Variants in GPC3 observed in about 807,000 individuals in gnomAD.
GPC3 encodes glypican-3.
A neutral mutation model predicts 34.4 loss-of-function variants in GPC3; 3 were observed. That is an observed-to-expected ratio of 0.09 (90% CI 0.04 to 0.23). GPC3 has a LOEUF of 0.23. Ranked by LOEUF, GPC3 falls within the 10% of genes least tolerant of loss-of-function variation. The pLI is 1.00. For synonymous variants in GPC3, 177 were observed against 174.0 expected (o/e 1.02, Z -0.13); for missense variants, 351 against 445.6 (o/e 0.79, Z 1.91).
intron 3 of GPC3, among the ~76,000 whole-genome samples, chrX:133,717,811 ACC>A (rs1296887474): frequency 9.0e-6 from 1 of 111,579 alleles, no homozygotes; most frequent in Non-Finnish European, 1.9e-5. Flanking sequence ...AAAAAACATC[ACC>A]CAAGAACTCT....
At chrX:133,668,323 G>A (rs2070790383) in intron 5 of GPC3, among the ~76,000 whole-genome samples, 1 of 111,640 alleles carries the variant, frequency 9.0e-6, no homozygotes, top group Admixed American at 9.5e-5. Flanking sequence ...CAAAACAGAG[G>A]CAAAGAACAT....
intron 2 of GPC3, among the ~76,000 whole-genome samples, chrX:133,767,698 G>A (rs1249519626): frequency 4.5e-5 from 5 of 110,243 alleles, no homozygotes; most frequent in Admixed American, 1.9e-4. Context: ...AATGGGCTCC[G>A]GAAGCAGGCG....
intron 4 of GPC3, among the ~76,000 whole-genome samples, chrX:133,698,487 G>A (rs773816043): frequency 8.9e-6 from 1 of 112,208 alleles, no homozygotes; most frequent in South Asian, 3.7e-4. Flanking sequence ...GATGACTTCT[G>A]AATACTACCA....
chrX:133,967,145 C>T (rs950221646), intron 1 of GPC3, among the ~76,000 whole-genome samples: 2 of 112,039 alleles, frequency 1.8e-5, no homozygotes, highest in Non-Finnish European at 3.8e-5. Context: ...CCCACACGTA[C>T]ATTAGTGAAT....
chrX:133,775,429 C>T (rs967037944), intron 2 of GPC3, among the ~76,000 whole-genome samples: 2 of 111,548 alleles, frequency 1.8e-5, no homozygotes, highest in African/African-American at 6.5e-5. Context: ...CTGTAAGTTG[C>T]TTCCATGTCT....
At chrX:133,896,969 T>C (rs754209590) in intron 2 of GPC3, among the ~76,000 whole-genome samples, 42 of 102,713 alleles carry the variant, frequency 4.1e-4, no homozygotes, top group Non-Finnish European at 5.0e-4. Flanking sequence ...TGCAGTGGCG[T>C]GATCTCAGCT....
Position 133,800,637 on chromosome X carries a change from T to C in GPC3, c.338-46461A>G, listed in dbSNP as rs545789828. Among the ~76,000 whole-genome samples the C allele has an allele frequency of 3.6e-5, 4 of 112,130 alleles. No individual in the cohort carries two copies. The East Asian group carries it at 1.1e-3, about 31-fold the overall frequency. On this transcript the variant is annotated intron_variant, in intron 2 of 7. Coordinates refer to ENST00000370818, the MANE Select transcript of GPC3 (RefSeq NM_004484.4). ...AGAAACAAAGCACATGTGAATGGCT[T>C]TGCAAGTAATACGGCGGGCTACAAA...
chrX:133,616,171 T>C (rs1242879508), intron 6 of GPC3, among the ~76,000 whole-genome samples: 1 of 111,891 alleles, frequency 8.9e-6, no homozygotes, highest in Non-Finnish European at 1.9e-5. Context: ...AACTATCAGC[T>C]AATCAGTTCA....
chrX:133,679,394 C>T (rs1322458427), intron 5 of GPC3, among the ~76,000 whole-genome samples: 2 of 111,275 alleles, frequency 1.8e-5, no homozygotes, highest in African/African-American at 3.3e-5. Context: ...TGGAGGCTCA[C>T]AGCAACCCTT....
At chrX:133,558,932 TAAATAAA>T (rs2124287406) in intron 7 of GPC3, among the ~76,000 whole-genome samples, 1 of 108,691 alleles carries the variant, frequency 9.2e-6, no homozygotes, top group East Asian at 2.9e-4. Flanking sequence ...AATAAATAAA[TAAATAAA>T]TAAAAATAAA....
chrX:133,679,508 T>G (rs2070918797), intron 5 of GPC3, among the ~76,000 whole-genome samples: 1 of 111,170 alleles, frequency 9.0e-6, no homozygotes, highest in Admixed American at 9.6e-5. Context: ...CTAGGCCTAG[T>G]ACTAAGGTCT....
At chrX:133,913,958 C>T (rs2076212259) in intron 2 of GPC3, among the ~76,000 whole-genome samples, 1 of 109,708 alleles carries the variant, frequency 9.1e-6, no homozygotes, top group South Asian at 4.0e-4. Context: ...TAACTCCAAA[C>T]CAATCACCTC....
chrX:133,606,918 T>C (rs1374450286), intron 6 of GPC3, among the ~76,000 whole-genome samples: 1 of 111,713 alleles, frequency 9.0e-6, no homozygotes, highest in East Asian at 2.8e-4. Flanking sequence ...ATTTATAAAA[T>C]CTGAATTTCC....
intron 5 of GPC3, among the ~76,000 whole-genome samples, chrX:133,664,036 A>G (rs760548084): frequency 1.2e-4 from 13 of 112,039 alleles, no homozygotes; most frequent in Non-Finnish European, 1.9e-4. Flanking sequence ...AAAATAAGGA[A>G]ACTCCTGTTT....
Position 133,685,442 on chromosome X carries a change from T to G in GPC3, c.1292+6927A>C, listed in dbSNP as rs751962909. Reference sequence around the variant, plus strand: ...ACGGACAAAACTCTGAGAATTAACATAATTGCTTTGCATATTCCCACTTCT... The same window carrying G: ...ACGGACAAAACTCTGAGAATTAACAGAATTGCTTTGCATATTCCCACTTCT... On this transcript the variant is annotated intron_variant, in intron 5 of 7. Coordinates refer to ENST00000370818, the MANE Select transcript of GPC3 (RefSeq NM_004484.4). Among the ~76,000 whole-genome samples the G allele has an allele frequency of 5.4e-5, 6 of 111,886 alleles. No individual in the cohort carries two copies. The East Asian group carries it at 1.4e-3, about 26-fold the overall frequency.
intron 7 of GPC3, among the ~76,000 whole-genome samples, chrX:133,568,858 T>A (rs1467044374): frequency 2.7e-5 from 3 of 111,421 alleles, no homozygotes; most frequent in Non-Finnish European, 3.8e-5. Flanking sequence ...CTGGACTATG[T>A]GAGAAGAAGC....
intron 2 of GPC3, among the ~76,000 whole-genome samples, chrX:133,771,896 CG>C (rs1569429441): frequency 8.9e-6 from 1 of 111,775 alleles, no homozygotes; most frequent in African/African-American, 3.3e-5. Flanking sequence ...ATGTTCAAAT[CG>C]CCCCTGTAAT....
In GPC3 at chrX:133,697,887, T is replaced by G. The variant is rs765057536; in HGVS notation, c.1166+2008A>C. Among the ~76,000 whole-genome samples the G allele has an allele frequency of 1.6e-4, 18 of 111,538 alleles. No homozygotes were observed. The East Asian group carries it at 4.8e-3, about 30-fold the overall frequency. On this transcript the variant is annotated intron_variant, in intron 4 of 7. Transcript: ENST00000370818. ...CTTTTCTTTCTAGATCATTTACTAG[T>G]GTCACCTGATCCGTTGCCGCTTTAG...
intron 2 of GPC3, among the ~76,000 whole-genome samples, chrX:133,945,273 C>A (rs2076362647): frequency 2.7e-5 from 3 of 111,319 alleles, no homozygotes; most frequent in Admixed American, 1.9e-4. Flanking sequence ...TTCCTGTAGT[C>A]CCAGCTATTC....
Sources: allele counts gnomAD v4.1 joint callset (sites outside exome capture counted in the v4.1 genomes callset), GRCh38; gene constraint gnomAD v4.1.1; transcripts MANE v1.5; gene names NCBI Gene and HGNC (gene_info 2026-07-23, HGNC 2026-07-21).